CDH23: variants seen among roughly 807,000 people sequenced by gnomAD.
CDH23 encodes cadherin-23.
In CDH23, 189 loss-of-function variants were observed where a neutral mutation model predicts 317.1. The observed-to-expected ratio is 0.60, with a 90% CI of 0.53 to 0.67. The LOEUF is 0.67. Among genes scored for constraint, CDH23 ranks in the 30% least tolerant of loss-of-function variants. The pLI, the probability that CDH23 is intolerant of heterozygous loss-of-function variation, is 0.00. For missense variants in CDH23, 4,401 were observed against 4,592.4 expected, an observed-to-expected ratio of 0.96 and a Z score of 1.20; for synonymous variants, 1,839 against 1,876.8, an observed-to-expected ratio of 0.98 and a Z score of 0.52.
At chr10:71,508,566 A>G (rs1356315765) in intron 3 of CDH23, among the ~76,000 whole-genome samples, 4 of 152,200 alleles carry the variant, frequency 2.6e-5, no homozygotes, top group Non-Finnish European at 5.9e-5. Flanking sequence ...TCATGTTAGA[A>G]CTGTCCTAAA....
chr10:71,426,468 G>A (rs536642255), intron 1 of CDH23, among the ~76,000 whole-genome samples: 3 of 152,256 alleles, frequency 2.0e-5, no homozygotes, highest in South Asian at 4.1e-4. Context: ...GCTGGCACAG[G>A]TTGGCTCACC....
chr10:71,725,026 T>G (rs1866742465), intron 29 of CDH23, among the ~76,000 whole-genome samples: 1 of 152,072 alleles, frequency 6.6e-6, no homozygotes, highest in African/African-American at 2.4e-5. Flanking sequence ...TCTGAAATAT[T>G]AAAAAGGCCT....
rs533013657 is a variant in CDH23 at position 71,523,926 on chromosome 10, G to A, written c.429+12714G>A. ...TTCCTGCACCTCCACCTTCTTTGTGGTCCCCAAGGGCACTAGGCCACAGGG... is the reference window on the plus strand; with the variant it reads ...TTCCTGCACCTCCACCTTCTTTGTGATCCCCAAGGGCACTAGGCCACAGGG... On this transcript the variant is annotated intron_variant, in intron 6 of 69. Coordinates refer to ENST00000224721, the MANE Select transcript of CDH23 (RefSeq NM_022124.6). Among the ~76,000 whole-genome samples the A allele has an allele frequency of 9.2e-5, 14 of 152,212 alleles. No individual in the cohort carries two copies. The South Asian group carries it at 2.9e-3, about 32-fold the overall frequency.
At chr10:71,467,730 ACT>A (rs1491078116) in intron 3 of CDH23, among the ~76,000 whole-genome samples, 5 of 137,926 alleles carry the variant, frequency 3.6e-5, no homozygotes, top group African/African-American at 1.4e-4. Context: ...ATGTGCAGAA[ACT>A]TAGTGCGTGT....
chr10:71,645,048 A>C (rs1049629104), intron 12 of CDH23, among the ~76,000 whole-genome samples: 1 of 152,202 alleles, frequency 6.6e-6, no homozygotes, highest in Non-Finnish European at 1.5e-5. Context: ...GTCACATCAC[A>C]TGCTTTCTGT....
intron 28 of CDH23, among the ~76,000 whole-genome samples, chr10:71,723,508 T>A (rs1866656480): frequency 1.3e-5 from 2 of 152,078 alleles, no homozygotes; most frequent in South Asian, 4.2e-4. Context: ...GGGGTGATGG[T>A]GCGTGTGAAT....
At position 71,566,859 on chromosome 10, in the gene CDH23, G is replaced by T. The variant is rs1239470050; in HGVS notation, c.547G>T (p.Ala183Ser). ...CTCCCAATTCTTCGCCATTGACAGC[G>T]CCCGCGGTATCGTCACAGTGATCCG... ...PPSQFFAIDS[A>S]RGIVTVIREL... The change falls in exon 7 of 70, where the codon GCC (alanine) becomes TCC (serine). Residue 183 changes from alanine to serine, a missense_variant. By Grantham distance (99) the Ala-to-Ser change is moderately conservative. Coordinates refer to ENST00000224721, the MANE Select transcript of CDH23 (RefSeq NM_022124.6). The T allele has an allele frequency of 1.2e-6, 2 of 1,613,852 alleles. No individual in the cohort carries two copies. Among genetic ancestry groups the T allele is most frequent in the Non-Finnish European group, 1.7e-6 (2 of 1,179,870 alleles).
intron 9 of CDH23, among the ~76,000 whole-genome samples, chr10:71,586,598 C>T (rs977865098): frequency 1.3e-5 from 2 of 152,052 alleles, no homozygotes; most frequent in Non-Finnish European, 2.9e-5. Context: ...TTATTCATAC[C>T]TTACCCACAC....
chr10:71,617,246 A>G lies in CDH23; in HGVS notation c.987A>G (p.Thr329=), dbSNP rs2132519769. ...LNDDRTPSDA[T]VTTTFNILVI... is the part of the protein sequence containing the mutation. ...ATGACCGCACCCCATCTGACGCTAC[A>G]GTCACCACGACCTTCAATATCCTGG... Residue 329 remains threonine, a synonymous_variant, in exon 11 of 70, where the codon ACA becomes ACG. Transcript: ENST00000224721. 6.2e-7 allele frequency: 1 copy of G among 1,613,976 alleles called. No homozygotes were observed. Among genetic ancestry groups the G allele is most frequent in the Non-Finnish European group, 8.5e-7 (1 of 1,179,878 alleles).
At chr10:71,443,775 G>A (rs1850017756) in intron 2 of CDH23, among the ~76,000 whole-genome samples, 1 of 152,224 alleles carries the variant, frequency 6.6e-6, no homozygotes, top group African/African-American at 2.4e-5. Flanking sequence ...TTCGCTGGAG[G>A]CCCCAAAGCT....
chr10:71,599,631 G>A (rs1208064460), intron 9 of CDH23, among the ~76,000 whole-genome samples: 1 of 152,158 alleles, frequency 6.6e-6, no homozygotes, highest in East Asian at 1.9e-4. Flanking sequence ...CTCTACATTT[G>A]TGTTTCTTTG....
chr10:71,656,027 A>C (rs1309508079), intron 14 of CDH23, among the ~76,000 whole-genome samples: 1 of 152,038 alleles, frequency 6.6e-6, no homozygotes, highest in Non-Finnish European at 1.5e-5. Context: ...TCCCATTCTC[A>C]TACTCTCTCC....
At chr10:71,619,394 A>G (rs1289087870) in intron 11 of CDH23, among the ~76,000 whole-genome samples, 2 of 152,176 alleles carry the variant, frequency 1.3e-5, no homozygotes, top group Non-Finnish European at 2.9e-5. Flanking sequence ...AAACAGGTAT[A>G]AAAACAAGTT....
At chr10:71,514,707 C>T (rs774144571) in intron 6 of CDH23, among the ~76,000 whole-genome samples, 1 of 152,168 alleles carries the variant, frequency 6.6e-6, no homozygotes, top group Non-Finnish European at 1.5e-5. Context: ...AAAGGCCCTG[C>T]AATTCACTTG....
intron 41 of CDH23, among the ~76,000 whole-genome samples, chr10:71,781,880 G>A (rs914242482): frequency 5.3e-5 from 8 of 152,190 alleles, no homozygotes; most frequent in African/African-American, 1.9e-4. Flanking sequence ...AAGGCCTGAT[G>A]GTACTGCTGA....
intron 68 of CDH23, 117 bp from the exon 69 acceptor site, chr10:71,813,127 T>C: frequency 8.8e-7 from 1 of 1,140,860 alleles, no homozygotes; most frequent in Non-Finnish European, 1.3e-6. Context: ...GCTGATCCTC[T>C]GCCCTAGGAT....
intron 38 of CDH23, among the ~76,000 whole-genome samples, chr10:71,745,576 G>T (rs1229814511): frequency 6.6e-6 from 1 of 152,202 alleles, no homozygotes; most frequent in African/African-American, 2.4e-5. Context: ...GCAAGCAGGG[G>T]TCCTGCAGCC....
chr10:71,785,997 T>A (rs1841096527), intron 44 of CDH23, among the ~76,000 whole-genome samples: 1 of 152,168 alleles, frequency 6.6e-6, no homozygotes, highest in Non-Finnish European at 1.5e-5. Context: ...AAGGAGCCAA[T>A]ATATGTGAAA....
intron 3 of CDH23, among the ~76,000 whole-genome samples, chr10:71,458,980 G>C (rs1814392303): frequency 6.6e-6 from 1 of 151,844 alleles, no homozygotes; most frequent in Admixed American, 6.6e-5. Flanking sequence ...GTAGAGGCGG[G>C]GTTTCACCGT....
Sources: gnomAD v4.1 joint callset for allele counts (sites outside exome capture counted in the v4.1 genomes callset) on GRCh38, gnomAD v4.1.1 for gene constraint, MANE v1.5 for transcripts, NCBI Gene and HGNC (gene_info 2026-07-23, HGNC 2026-07-21) for gene names.